TMEFF2: variants seen among roughly 807,000 people sequenced by gnomAD.
TMEFF2 encodes transmembrane protein with EGF like and two follistatin like domains 2, also known as tomoregulin-2.
Under a neutral mutation model 53.8 loss-of-function variants are expected in TMEFF2, and 28 were observed. That is an observed-to-expected ratio of 0.52 (90% confidence interval 0.39 to 0.71). The LOEUF (loss-of-function observed/expected upper bound fraction) is 0.71, where lower values mean the gene tolerates loss of function less well. Ranked by LOEUF, TMEFF2 falls within the 30% of genes least tolerant of loss-of-function variation. The pLI is 0.00. For synonymous variants in TMEFF2, 162 were observed against 166.3 expected, an observed-to-expected ratio of 0.97 and a Z score of 0.20; for missense variants, 353 against 455.2, an observed-to-expected ratio of 0.78 and a Z score of 2.04.
chr2:192,053,715 T>G (rs778739145), intron 5 of TMEFF2, among the ~76,000 whole-genome samples: 16 of 152,238 alleles, frequency 1.1e-4, no homozygotes, highest in Admixed American at 4.6e-4. Context: ...CAATAGCGTA[T>G]CAACGCTCCC....
At chr2:192,175,612 A>C (rs1159377848) in intron 4 of TMEFF2, among the ~76,000 whole-genome samples, 3 of 151,478 alleles carry the variant, frequency 2.0e-5, no homozygotes, top group Admixed American at 2.0e-4. Context: ...TTAAAATTGT[A>C]TATAAATATA....
chr2:191,960,029 A>G (rs1258257317), intron 7 of TMEFF2, among the ~76,000 whole-genome samples: 2 of 152,046 alleles, frequency 1.3e-5, no homozygotes, highest in East Asian at 1.9e-4. Flanking sequence ...GGCATGTGGG[A>G]CTAGCTAACT....
intron 4 of TMEFF2, among the ~76,000 whole-genome samples, chr2:192,126,511 T>G (rs1037265214): frequency 6.6e-6 from 1 of 152,212 alleles, no homozygotes; most frequent in Admixed American, 6.5e-5. Flanking sequence ...AACATGACAA[T>G]TAAAACTGTC....
intron 7 of TMEFF2, chr2:191,992,641 A>AAT (rs1336363059): frequency 4.6e-5 from 7 of 152,072 alleles, no homozygotes; most frequent in Non-Finnish European, 1.0e-4. Flanking sequence ...GACATATCAC[A>AAT]ATATGGCTAA....
chr2:192,097,170 G>A (rs1401972978), intron 4 of TMEFF2, among the ~76,000 whole-genome samples: 1 of 152,170 alleles, frequency 6.6e-6, no homozygotes, highest in Non-Finnish European at 1.5e-5. Flanking sequence ...CAAAAATTAA[G>A]CGTGCACTTC....
intron 5 of TMEFF2, among the ~76,000 whole-genome samples, chr2:192,033,481 CTTAA>C (rs1023428951): frequency 2.0e-5 from 3 of 148,798 alleles, no homozygotes; most frequent in African/African-American, 4.9e-5. Flanking sequence ...CAGCTCAGCT[CTTAA>C]TTAGACTGCT....
chr2:192,147,472 C>T (rs1690280883), intron 4 of TMEFF2, among the ~76,000 whole-genome samples: 1 of 151,540 alleles, frequency 6.6e-6, no homozygotes, highest in Non-Finnish European at 1.5e-5. Context: ...TAATGCTATC[C>T]CTCCCCACTC....
intron 4 of TMEFF2, among the ~76,000 whole-genome samples, chr2:192,086,578 TG>T (rs766055247): frequency 3.4e-4 from 52 of 152,078 alleles, no homozygotes; most frequent in Non-Finnish European, 6.8e-4. Flanking sequence ...AGAGATGAGG[TG>T]GTGTTCATGG....
chr2:192,019,856 G>T (rs929805580), intron 5 of TMEFF2, among the ~76,000 whole-genome samples: 1 of 151,968 alleles, frequency 6.6e-6, no homozygotes, highest in East Asian at 1.9e-4. Context: ...TGGATGATGA[G>T]AATTATTTTA....
chr2:192,175,484 AT>A (rs1283607960), intron 4 of TMEFF2, among the ~76,000 whole-genome samples: 13 of 151,612 alleles, frequency 8.6e-5, no homozygotes, highest in African/African-American at 2.9e-4. Context: ...TCTACACCAA[AT>A]TTATCATAAC....
intron 4 of TMEFF2, among the ~76,000 whole-genome samples, chr2:192,163,452 T>C (rs939488359): frequency 1.3e-5 from 2 of 152,230 alleles, no homozygotes; most frequent in Non-Finnish European, 2.9e-5. Context: ...ATATCCTACA[T>C]AGAATATAAA....
chr2:192,192,874 A>G (rs1691497908), intron 1 of TMEFF2, among the ~76,000 whole-genome samples: 1 of 152,228 alleles, frequency 6.6e-6, no homozygotes, highest in Non-Finnish European at 1.5e-5. Context: ...TATTCTTTCA[A>G]AAACAACACA....
rs71405028 is a variant in TMEFF2 at position 191,955,524 on chromosome 2, A to ATTTTTTTTTTTTTTTTTTTT, written c.869+711_869+730dup. 4.0e-4 allele frequency among the ~76,000 whole-genome samples: 24 copies of ATTTTTTTTTTTTTTTTTTTT among 60,290 alleles called. 6 individuals are homozygous for ATTTTTTTTTTTTTTTTTTTT. Among genetic ancestry groups the ATTTTTTTTTTTTTTTTTTTT allele is most frequent in the African/African-American group, 8.6e-4 (13 of 15,186 alleles). 39.6% of individuals were successfully genotyped at this position (60,290 alleles called of 152,430 possible). A position where few individuals can be genotyped will look rare whatever the true frequency, so the allele number is the denominator to read the frequency against. On this transcript the variant is annotated intron_variant, in intron 8 of 9. Transcript: ENST00000272771. ...TGCCACCGTGCCTGGCTAATTCTTA[A>ATTTTTTTTTTTTTTTTTTTT]TTTTTTTTTTTTTTTTTTTTTTTTA... is the stretch of plus-strand genomic sequence containing the variant.
At chr2:192,019,607 G>T (rs1686817240) in intron 5 of TMEFF2, among the ~76,000 whole-genome samples, 1 of 151,474 alleles carries the variant, frequency 6.6e-6, no homozygotes, top group Non-Finnish European at 1.5e-5. Flanking sequence ...ATTATAACAT[G>T]CACAAAATAT....
chr2:192,060,043 A>ATT (rs5837281), intron 4 of TMEFF2, among the ~76,000 whole-genome samples: 22,305 of 146,822 alleles, frequency 0.15, 1,893 homozygotes, highest in East Asian at 0.34. Flanking sequence ...CGTGGATCAT[A>ATT]TTTTTTTTTT....
chr2:192,190,150 A>G (rs918780104), intron 2 of TMEFF2, among the ~76,000 whole-genome samples: 7 of 152,174 alleles, frequency 4.6e-5, no homozygotes, highest in African/African-American at 1.7e-4. Context: ...AATTCCTTTA[A>G]TAAGAAAATT....
At chr2:192,041,418 C>CA (rs1687477358) in intron 5 of TMEFF2, among the ~76,000 whole-genome samples, 2 of 152,092 alleles carry the variant, frequency 1.3e-5, no homozygotes, top group Non-Finnish European at 2.9e-5. Flanking sequence ...AATCAGATAC[C>CA]ACTTCATACC....
intron 5 of TMEFF2, among the ~76,000 whole-genome samples, chr2:192,040,541 T>C (rs1259633768): frequency 6.6e-6 from 1 of 152,098 alleles, no homozygotes; most frequent in African/African-American, 2.4e-5. Flanking sequence ...TGATAGATTA[T>C]CTTCTCAAAT....
intron 4 of TMEFF2, among the ~76,000 whole-genome samples, chr2:192,141,583 C>G (rs879283735): frequency 3.3e-5 from 5 of 151,480 alleles, no homozygotes; most frequent in Middle Eastern, 3.4e-3. Context: ...GTTAACAAAG[C>G]TACTAAGCTA....
Sources: gnomAD v4.1 joint callset for allele counts (sites outside exome capture counted in the v4.1 genomes callset) on GRCh38, gnomAD v4.1.1 for gene constraint, MANE v1.5 for transcripts, NCBI Gene and HGNC (gene_info 2026-07-23, HGNC 2026-07-21) for gene names.